Variants in CLDN16 observed in about 807,000 individuals in gnomAD.
The protein encoded by CLDN16 is claudin 16.
Under a neutral mutation model 24.6 loss-of-function variants are expected in CLDN16, and 13 were observed. The observed-to-expected ratio is 0.53, with a 90% CI of 0.34 to 0.84. The LOEUF (loss-of-function observed/expected upper bound fraction) is 0.84. Among genes scored for constraint, CLDN16 ranks in the 40% least tolerant of loss-of-function variants. The pLI is 0.01. For missense variants in CLDN16, 298 were observed against 292.7 expected, an observed-to-expected ratio of 1.02 and a Z score of -0.13; for synonymous variants, 116 against 106.7, an observed-to-expected ratio of 1.09 and a Z score of -0.54.
the CLDN16 span, chr3:190,312,975 G>C: frequency 1.4e-5 from 22 of 1,614,170 alleles, no homozygotes; most frequent in Non-Finnish European, 1.9e-5. Context: ...TGGCCACAAA[G>C]ATTGCTATCA....
In CLDN16 at chr3:190,345,123, C is replaced by G. The variant is rs115871255; in HGVS notation, n.121+22462C>G. 6.8e-3 allele frequency among the ~76,000 whole-genome samples: 1,028 copies of G among 152,228 alleles called. 18 individuals carry two copies. The highest frequency in any genetic ancestry group is 0.023 in the African/African-American group (965 of 41,530). ...ACACACACACAGTGCTGCTAGTGAA[C>G]TCTGTATTAAGCTACAGTTTAAGTT... On this transcript the variant is annotated intron_variant and non_coding_transcript_variant, in intron 1 of 4. Coordinates refer to the CLDN16 transcript ENST00000468220.
intron 1 of CLDN16, among the ~76,000 whole-genome samples, chr3:190,367,572 A>G (rs1402349870): frequency 2.0e-5 from 3 of 152,014 alleles, no homozygotes; most frequent in Admixed American, 6.6e-5. Flanking sequence ...TGTCCGATTT[A>G]TTATTTGTCA....
At chr3:190,395,864 A>T (rs1455900626) in intron 1 of CLDN16, among the ~76,000 whole-genome samples, 2 of 150,040 alleles carry the variant, frequency 1.3e-5, no homozygotes, top group Non-Finnish European at 3.0e-5. Context: ...GTGTATATTT[A>T]CTCTCTCTCT....
At chr3:190,317,238 G>C in the CLDN16 span, among the ~76,000 whole-genome samples, 184 of 152,160 alleles carry the variant, frequency 1.2e-3, no homozygotes, top group African/African-American at 4.3e-3. Flanking sequence ...ACTGACTAAA[G>C]TTGTCTATGG....
chr3:190,363,558 ATATATATAT>A (rs1717950648), intron 1 of CLDN16, among the ~76,000 whole-genome samples: 1 of 75,610 alleles, frequency 1.3e-5, no homozygotes, highest in Non-Finnish European at 2.7e-5. Flanking sequence ...GTGTGTGTGT[ATATATATAT>A]ATATATATAT....
At chr3:190,312,873 T>C in the CLDN16 span, 3 of 1,613,972 alleles carry the variant, frequency 1.9e-6, no homozygotes, top group African/African-American at 1.3e-5. Flanking sequence ...CTCTATTACC[T>C]GCAAGAAGAA....
chr3:190,386,097 C>G (rs1238721532), upstream of CLDN16, among the ~76,000 whole-genome samples: 1 of 152,128 alleles, frequency 6.6e-6, no homozygotes, highest in Non-Finnish European at 1.5e-5. Context: ...AAGTCCAGGA[C>G]TTTTCCTGCA....
chr3:190,354,346 G>A (rs1374484951), intron 1 of CLDN16, among the ~76,000 whole-genome samples: 2 of 152,008 alleles, frequency 1.3e-5, no homozygotes, highest in Admixed American at 6.6e-5. Flanking sequence ...TGATTCCCAA[G>A]ATTTCATTTC....
At chr3:190,315,368 A>G in the CLDN16 span, among the ~76,000 whole-genome samples, 2 of 152,194 alleles carry the variant, frequency 1.3e-5, no homozygotes, top group Non-Finnish European at 2.9e-5. Flanking sequence ...TGGTCATCCT[A>G]ACGCAGGATG....
chr3:190,290,876 CA>C, the CLDN16 span, among the ~76,000 whole-genome samples: 1 of 151,756 alleles, frequency 6.6e-6, no homozygotes, highest in Admixed American at 6.6e-5. Context: ...TAAATGAAAA[CA>C]AAAAAATTCT....
At chr3:190,364,810 A>T (rs1717982543) in intron 1 of CLDN16, among the ~76,000 whole-genome samples, 1 of 151,312 alleles carries the variant, frequency 6.6e-6, no homozygotes, top group Admixed American at 6.6e-5. Flanking sequence ...TGTCTCAAAG[A>T]GGGGAGCTGA....
At chr3:190,380,466 G>T (rs9845607) in intron 3 of CLDN16, among the ~76,000 whole-genome samples, 118,950 of 151,896 alleles carry the variant, frequency 0.78, 46,645 homozygotes, top group East Asian at 0.89. Flanking sequence ...TATGATAAAT[G>T]GTAGGGAAAA....
chr3:190,397,542 G>T lies in CLDN16; in HGVS notation c.115-4795G>T, dbSNP rs1577426713. The stretch of plus-strand genomic sequence containing the variant: ...TCTAATAAGCCATTTTACAACAGAG[G>T]AATAAGTAAATGAAGATGATAAATC... On this transcript the variant is annotated intron_variant, in intron 1 of 4. Transcript: ENST00000264734. Among the ~76,000 whole-genome samples the T allele has an allele frequency of 2.6e-5, 4 of 152,070 alleles. No individual in the cohort carries two copies. In the East Asian group the frequency reaches 7.7e-4, roughly 29 times the overall value.
chr3:190,372,830 C>T (rs1022847188), intron 2 of CLDN16, among the ~76,000 whole-genome samples: 6 of 151,880 alleles, frequency 4.0e-5, no homozygotes, highest in East Asian at 1.9e-4. Context: ...CTTCCCAATA[C>T]GAGGGGCTTG....
At chr3:190,342,798 C>A (rs1337607975) in intron 1 of CLDN16, among the ~76,000 whole-genome samples, 2 of 151,904 alleles carry the variant, frequency 1.3e-5, no homozygotes, top group Non-Finnish European at 2.9e-5. Flanking sequence ...CCAGCACACA[C>A]AAAAATTAAT....
intron 3 of CLDN16, among the ~76,000 whole-genome samples, chr3:190,376,747 A>C (rs10937431): frequency 6.6e-6 from 1 of 151,674 alleles, no homozygotes; most frequent in Non-Finnish European, 1.5e-5. Context: ...CATCCTGGTA[A>C]GGAGAAGAGA....
chr3:190,312,959 C>A, the CLDN16 span: 1 of 1,614,174 alleles, frequency 6.2e-7, no homozygotes, highest in Non-Finnish European at 8.5e-7. Context: ...CACTTCATGC[C>A]AACGGTGGCC....
chr3:190,310,314 A>G, the CLDN16 span: 1 of 1,239,460 alleles, frequency 8.1e-7, no homozygotes, highest in Non-Finnish European at 1.2e-6. Context: ...TAAATACACA[A>G]CCTGTTAAAC....
chr3:190,408,043 G>A (rs556298505), intron 3 of CLDN16, among the ~76,000 whole-genome samples: 13 of 152,112 alleles, frequency 8.5e-5, no homozygotes, highest in Admixed American at 1.3e-4. Flanking sequence ...AAACCATAAC[G>A]ATGAATTTCG....
Sources: allele counts gnomAD v4.1 joint callset (sites outside exome capture counted in the v4.1 genomes callset), GRCh38; gene constraint gnomAD v4.1.1; transcripts MANE v1.5; gene names NCBI Gene and HGNC (gene_info 2026-07-23, HGNC 2026-07-21).